SOHLH2: variants seen among roughly 807,000 people sequenced by gnomAD.
SOHLH2 encodes the protein spermatogenesis and oogenesis specific basic helix-loop-helix 2.
Under a neutral mutation model 50.4 loss-of-function variants are expected in SOHLH2, and 22 were observed. That is an observed-to-expected ratio of 0.44 (90% CI 0.31 to 0.62). The LOEUF (loss-of-function observed/expected upper bound fraction) is 0.62. SOHLH2 is among the 20% of genes least tolerant of loss of function. SOHLH2 has a pLI of 0.08. For synonymous variants in SOHLH2, 185 were observed against 187.3 expected (o/e 0.99, Z 0.10); for missense variants, 412 against 504.4 (o/e 0.82, Z 1.76).
chr13:36,200,623 C>T (rs1887870575), intron 2 of SOHLH2, among the ~76,000 whole-genome samples: 1 of 152,130 alleles, frequency 6.6e-6, no homozygotes, highest in African/African-American at 2.4e-5. Context: ...TCCACTTTAT[C>T]TATTAAGTAT....
At chr13:36,191,466 T>C (rs1317307771) in intron 5 of SOHLH2, among the ~76,000 whole-genome samples, 1 of 152,128 alleles carries the variant, frequency 6.6e-6, no homozygotes, top group Non-Finnish European at 1.5e-5. Context: ...TGTAAAATTT[T>C]TGTTTGAGGA....
Position 36,201,740 on chromosome 13 carries a change from G to A in SOHLH2, c.263+139C>T. 9.2e-6 allele frequency: 12 copies of A among 1,302,456 alleles called. No homozygotes were observed. The South Asian group carries it at 1.4e-4, about 15-fold the overall frequency. The allele number at this position is 1,302,456 out of a possible 1,614,324, so 80.7% of individuals were successfully genotyped here. On this transcript the variant is annotated intron_variant, in intron 2 of 10. Transcript: ENST00000379881. ...CCACATCGGCCTCTCAAAGTGCCAGGATTACACGCATGAGCCAATCCCTGG... is the reference window on the plus strand; with the variant it reads ...CCACATCGGCCTCTCAAAGTGCCAGAATTACACGCATGAGCCAATCCCTGG...
intron 6 of SOHLH2, among the ~76,000 whole-genome samples, chr13:36,188,419 A>G (rs1295162014): frequency 6.6e-6 from 1 of 152,148 alleles, no homozygotes; most frequent in Non-Finnish European, 1.5e-5. Context: ...TCTTATCAAA[A>G]TCTCGTACTT....
At chr13:36,171,613 A>G (rs779477012) in intron 9 of SOHLH2, among the ~76,000 whole-genome samples, 22 of 152,330 alleles carry the variant, frequency 1.4e-4, no homozygotes, top group Admixed American at 5.9e-4. Flanking sequence ...GTCACCCATC[A>G]CACTCTTCCA....
chr13:36,193,602 T>G lies in SOHLH2; in HGVS notation c.430+19A>C. On this transcript the variant is annotated intron_variant, in intron 4 of 10. Coordinates refer to ENST00000379881, the MANE Select transcript of SOHLH2 (RefSeq NM_017826.3). Reference sequence around the variant, plus strand: ...GATTTTAATTCAAATTTTGAAACCTTTGGAAATTTTTTACTCACCAGTGTT... The same window carrying G: ...GATTTTAATTCAAATTTTGAAACCTGTGGAAATTTTTTACTCACCAGTGTT... The G allele has an allele frequency of 6.3e-7, 1 of 1,577,256 alleles. No homozygotes were observed. The highest frequency in any genetic ancestry group is 8.5e-7 in the Non-Finnish European group (1 of 1,169,872).
chr13:36,181,346 T>C (rs896541292), intron 6 of SOHLH2, among the ~76,000 whole-genome samples: 1 of 152,184 alleles, frequency 6.6e-6, no homozygotes, highest in African/African-American at 2.4e-5. Flanking sequence ...TATAGTTGGA[T>C]AAAGGTCTAC....
intron 5 of SOHLH2, among the ~76,000 whole-genome samples, chr13:36,191,197 T>A (rs1314424312): frequency 1.3e-5 from 2 of 152,092 alleles, no homozygotes; most frequent in African/African-American, 2.4e-5. Flanking sequence ...GAATGCCAGT[T>A]CTAATGTCTA....
At chr13:36,196,128 T>TAGATAA (rs1566043063) in intron 2 of SOHLH2, among the ~76,000 whole-genome samples, 7 of 98,202 alleles carry the variant, frequency 7.1e-5, no homozygotes, top group African/African-American at 3.4e-4. Flanking sequence ...AGATAGATAA[T>TAGATAA]TTTTTTTTTT....
intron 2 of SOHLH2, among the ~76,000 whole-genome samples, chr13:36,201,083 A>C (rs540149813): frequency 2.0e-4 from 30 of 151,446 alleles, no homozygotes; most frequent in African/African-American, 7.0e-4. Flanking sequence ...AAAAGAAAAG[A>C]AGCAGAACTT....
At chr13:36,173,066 A>T (rs1327306734) in intron 9 of SOHLH2, among the ~76,000 whole-genome samples, 1 of 152,176 alleles carries the variant, frequency 6.6e-6, no homozygotes, top group East Asian at 1.9e-4. Context: ...TCCCAGCGGG[A>T]AAGCATTTGT....
intron 5 of SOHLH2, 79 bp downstream of exon 5, chr13:36,191,716 C>T (rs1478133110): frequency 6.5e-7 from 1 of 1,545,574 alleles, no homozygotes; most frequent in Non-Finnish European, 8.9e-7. Context: ...GCAAATGCTG[C>T]ACCCCTCTTC....
rs577906506 is a variant in SOHLH2, at chr13:36,168,945, C to T, written c.*89G>A. ...TTTGATATTAGGTCTTTGGGTGGAG[C>T]TTTCAAAATCATTCTTTGTTCCACT... On this transcript the variant is annotated 3_prime_UTR_variant, in exon 11 of 11. Coordinates refer to ENST00000379881, the MANE Select transcript of SOHLH2 (RefSeq NM_017826.3). 19 of 1,538,608 alleles carry T rather than the reference C, an allele frequency of 1.2e-5. No individual in the cohort carries two copies. In the African/African-American group the frequency reaches 2.4e-4, roughly 19 times the overall value.
chr13:36,186,778 T>A (rs547924963), intron 6 of SOHLH2, among the ~76,000 whole-genome samples: 1 of 152,314 alleles, frequency 6.6e-6, no homozygotes, highest in African/African-American at 2.4e-5. Flanking sequence ...TATGTTCTAA[T>A]AAGAATGCGA....
At chr13:36,193,018 C>T (rs74045229) in intron 4 of SOHLH2, among the ~76,000 whole-genome samples, 90 of 152,170 alleles carry the variant, frequency 5.9e-4, no homozygotes, top group African/African-American at 2.1e-3. Context: ...ATAATGATTC[C>T]AGTAGAATTT....
chr13:36,189,301 G>A (rs897275916), intron 6 of SOHLH2, among the ~76,000 whole-genome samples: 1 of 152,056 alleles, frequency 6.6e-6, no homozygotes, highest in Admixed American at 6.6e-5. Context: ...TTTAGCAACT[G>A]CCCAACAGAC....
intron 6 of SOHLH2, among the ~76,000 whole-genome samples, chr13:36,185,557 T>C (rs1284939649): frequency 6.6e-6 from 1 of 151,382 alleles, no homozygotes; most frequent in African/African-American, 2.4e-5. Context: ...TGAGCTAATA[T>C]AGAAAATCAA....
intron 6 of SOHLH2, among the ~76,000 whole-genome samples, chr13:36,185,169 T>TA (rs1887381354): frequency 1.4e-5 from 2 of 147,040 alleles, no homozygotes. Flanking sequence ...ACTTTTTTTT[T>TA]AAAAAGCAAA....
rs1402028640 is a variant in SOHLH2 at position 36,214,497 on chromosome 13, G to A, written c.30C>T (p.His10=). The A allele has an allele frequency of 6.2e-7, 1 of 1,613,032 alleles. No individual in the cohort carries two copies. The highest frequency in any genetic ancestry group is 1.7e-5 in the Admixed American group (1 of 59,940). The change falls in exon 1 of 11, where the codon CAC becomes CAT. Residue 10 remains histidine, a synonymous_variant. Coordinates refer to ENST00000379881, the MANE Select transcript of SOHLH2 (RefSeq NM_017826.3). MASSIICQE[H]CQISGQAKID... is the part of the protein sequence containing the mutation. ...CTCTTACCTGGCCCGAGATCTGGCA[G>A]TGCTCCTGGCAGATAATTGAGGAAG...
intron 6 of SOHLH2, among the ~76,000 whole-genome samples, chr13:36,187,091 C>T (rs944822738): frequency 1.3e-5 from 2 of 152,150 alleles, no homozygotes; most frequent in Non-Finnish European, 2.9e-5. Context: ...CTTGTCACAG[C>T]TCTTCTTTTT....
Sources: gnomAD v4.1 joint callset for allele counts (sites outside exome capture counted in the v4.1 genomes callset) on GRCh38, gnomAD v4.1.1 for gene constraint, MANE v1.5 for transcripts, NCBI Gene and HGNC (gene_info 2026-07-23, HGNC 2026-07-21) for gene names.